The following BEND4 variants were observed in gnomAD, a reference collection of about 807,000 sequenced individuals.
The protein encoded by BEND4 is BEN domain containing 4.
In BEND4, 27 loss-of-function variants were observed where a neutral mutation model predicts 54.7. That is an observed-to-expected ratio of 0.49 (90% CI 0.36 to 0.68). BEND4 has a LOEUF of 0.68. BEND4 is among the 30% of genes least tolerant of loss of function. The pLI, the probability that BEND4 is intolerant of heterozygous loss-of-function variation, is 0.00. For missense variants in BEND4, 702 were observed against 697.2 expected (o/e 1.01, Z -0.08); for synonymous variants, 327 against 299.5 (o/e 1.09, Z -0.95).
intron 3 of BEND4, among the ~76,000 whole-genome samples, chr4:42,131,418 G>A (rs1720504529): frequency 6.6e-6 from 1 of 152,160 alleles, no homozygotes; most frequent in African/African-American, 2.4e-5. Context: ...GGGTAGTTAA[G>A]ACCTTTTAAA....
chr4:42,151,645 G>C lies in BEND4; in HGVS notation c.487+12C>G. ...CCGTGGCGGGAAGGAAAGTTGTGCG[G>C]AGAGTTGGTACCTGCGCTGAGCTCC... On this transcript the variant is annotated intron_variant, in intron 2 of 5. Coordinates refer to ENST00000502486, the MANE Select transcript of BEND4 (RefSeq NM_207406.4). 1 of 1,452,058 alleles carries C rather than the reference G, an allele frequency of 6.9e-7. No individual in the cohort carries two copies. The highest frequency in any genetic ancestry group is 9.0e-7 in the Non-Finnish European group (1 of 1,109,244). The allele number at this position is 1,452,058 out of a possible 1,614,324, so 89.9% of individuals were successfully genotyped here. A position where few individuals can be genotyped will look rare whatever the true frequency, so the allele number is the denominator to read the frequency against.
At chr4:42,126,597 G>A (rs1212574126) in intron 3 of BEND4, among the ~76,000 whole-genome samples, 2 of 152,192 alleles carry the variant, frequency 1.3e-5, no homozygotes, top group African/African-American at 4.8e-5. Context: ...CAATAAAAGT[G>A]AATAGATACC....
chr4:42,117,627 G>A lies in BEND4; in HGVS notation c.1496C>T (p.Ala499Val), dbSNP rs759939750. 9.3e-6 allele frequency: 15 copies of A among 1,612,202 alleles called. No individual in the cohort carries two copies. Among genetic ancestry groups the A allele is most frequent in the Non-Finnish European group, 1.2e-5 (14 of 1,179,154 alleles). ...ACCGTTGTGCAGGAAAGTCCCCACC[G>A]CCCGCCCCTGTCGGGCGTGACCGAC... ...DAVGHARQGR[A>V]VGTFLHNGGS... Residue 499 changes from alanine (A) to valine (V), a missense_variant, in exon 6 of 6, where the codon GCG becomes GTG. Transcript: ENST00000502486.
chr4:42,140,284 C>T (rs1720838102), intron 3 of BEND4, among the ~76,000 whole-genome samples: 1 of 152,056 alleles, frequency 6.6e-6, no homozygotes, highest in Non-Finnish European at 1.5e-5. Flanking sequence ...TAAGGTGTCC[C>T]TAGGTCATGA....
At chr4:42,126,556 G>A (rs1468487693) in intron 3 of BEND4, among the ~76,000 whole-genome samples, 1 of 152,098 alleles carries the variant, frequency 6.6e-6, no homozygotes, top group Non-Finnish European at 1.5e-5. Flanking sequence ...TATTTTTTGA[G>A]GCTTAGTCTT....
rs1156561364 is a variant in BEND4, at chr4:42,121,313, C to T, written c.1147-1019G>A. Among the ~76,000 whole-genome samples, 3 of 152,130 alleles carry T rather than the reference C, an allele frequency of 2.0e-5. No individual in the cohort carries two copies. In the South Asian group the frequency reaches 6.2e-4, roughly 31 times the overall value. ...AGGAACCAACAAGAGGGAGGCAGCC[C>T]GATGCGGCTAGGAAACCGGCACGGA... On this transcript the variant is annotated intron_variant, in intron 4 of 5. Coordinates refer to ENST00000502486, the MANE Select transcript of BEND4 (RefSeq NM_207406.4).
intron 3 of BEND4, among the ~76,000 whole-genome samples, chr4:42,133,864 C>G (rs1341526645): frequency 6.6e-6 from 1 of 152,130 alleles, no homozygotes; most frequent in East Asian, 1.9e-4. Flanking sequence ...AAAAAACAAA[C>G]AAACAAACAA....
rs1719569361 is a variant in BEND4, at chr4:42,111,513, C to T, written c.*6005G>A. On this transcript the variant is annotated 3_prime_UTR_variant, in exon 6 of 6. Transcript: ENST00000502486. ...CTTCATGACCCACCTCTAGCATGCC[C>T]TGTTCCCAAGAAGTGCAAGCCAGGA... 6.6e-6 allele frequency: 1 copy of T among 152,228 alleles called. No homozygotes were observed. Among genetic ancestry groups the T allele is most frequent in the Admixed American group, 6.5e-5 (1 of 15,286 alleles). The allele number at this position is 152,228 out of a possible 1,614,324, so 9.4% of individuals were successfully genotyped here.
intron 2 of BEND4, among the ~76,000 whole-genome samples, chr4:42,144,741 G>A (rs1038662076): frequency 3.9e-5 from 6 of 152,160 alleles, no homozygotes; most frequent in African/African-American, 9.7e-5. Context: ...AAAATGGCAC[G>A]AGGCATGGGT....
In BEND4 at chr4:42,131,356, C is replaced by T. The variant is rs73812739; in HGVS notation, c.1055-5682G>A. Among the ~76,000 whole-genome samples the T allele has an allele frequency of 8.2e-3, 1,249 of 152,076 alleles. 17 individuals carry two copies. Among genetic ancestry groups the T allele is most frequent in the African/African-American group, 0.029 (1,194 of 41,468 alleles). ...AAAAGAGATAGGAAAGAATATAAGC[C>T]AAAGTGTTAACGATAATAGTTAACA... On this transcript the variant is annotated intron_variant, in intron 3 of 5. Coordinates refer to ENST00000502486, the MANE Select transcript of BEND4 (RefSeq NM_207406.4).
chr4:42,134,067 A>G (rs1422435602), intron 3 of BEND4, among the ~76,000 whole-genome samples: 2 of 152,214 alleles, frequency 1.3e-5, no homozygotes, highest in Non-Finnish European at 2.9e-5. Flanking sequence ...GCAGCTGGTA[A>G]ATAAGACTAC....
chr4:42,120,125 C>G lies in BEND4; in HGVS notation c.1316G>C (p.Arg439Thr). 1 of 1,613,980 alleles carries G rather than the reference C, an allele frequency of 6.2e-7. No homozygotes were observed. Among genetic ancestry groups the G allele is most frequent in the Non-Finnish European group, 8.5e-7 (1 of 1,179,890 alleles). The change falls in exon 5 of 6, where the codon AGG becomes ACG. Residue 439 changes from arginine (R) to threonine (T), a missense_variant. By Grantham distance (71) the Arg-to-Thr change is moderately conservative. Coordinates refer to ENST00000502486, the MANE Select transcript of BEND4 (RefSeq NM_207406.4). Reference protein sequence around the residue: ...KYSCGLGKRKRSVQSGETGPE... With the variant: ...KYSCGLGKRKTSVQSGETGPE... ...ACCTGTCTCTCCTGACTGCACTGACCTTTTCCTTTTCCCAAGGCCGCATGA... is the reference window on the plus strand; with the variant it reads ...ACCTGTCTCTCCTGACTGCACTGACGTTTTCCTTTTCCCAAGGCCGCATGA...
chr4:42,138,409 A>G (rs1482279667), intron 3 of BEND4, among the ~76,000 whole-genome samples: 3 of 152,214 alleles, frequency 2.0e-5, no homozygotes, highest in Non-Finnish European at 4.4e-5. Flanking sequence ...ACAAAATAGT[A>G]GCTACAAGGG....
At chr4:42,122,046 C>G (rs1720087119) in intron 4 of BEND4, among the ~76,000 whole-genome samples, 1 of 152,116 alleles carries the variant, frequency 6.6e-6, no homozygotes, top group East Asian at 1.9e-4. Flanking sequence ...GGGGTGAAAT[C>G]GGGGGGCTGG....
chr4:42,130,277 G>A (rs921118731), intron 3 of BEND4, among the ~76,000 whole-genome samples: 16 of 151,964 alleles, frequency 1.1e-4, no homozygotes, highest in African/African-American at 2.2e-4. Flanking sequence ...TCAGGAGATC[G>A]AGACCATCCC....
intron 2 of BEND4, among the ~76,000 whole-genome samples, chr4:42,149,265 C>G (rs1449474373): frequency 4.8e-5 from 6 of 123,888 alleles, no homozygotes; most frequent in Admixed American, 4.5e-4. Flanking sequence ...CAAAGTGGAA[C>G]GACTAGTTTC....
intron 3 of BEND4, 115 bp downstream of exon 3, chr4:42,143,313 A>T: frequency 1.0e-6 from 1 of 964,690 alleles, no homozygotes. Flanking sequence ...AAAACAAAAA[A>T]AGCCCACACA....
chr4:42,143,366 C>T lies in BEND4; in HGVS notation c.1054+62G>A. ...ATACATGAGTACAGAAATACACAGA[C>T]AGATGAGACAAGTGAAAGAAAGAAG... On this transcript the variant is annotated intron_variant, in intron 3 of 5. Transcript: ENST00000502486. 4 of 1,344,956 alleles carry T rather than the reference C, an allele frequency of 3.0e-6. No homozygotes were observed. In the Middle Eastern group the frequency reaches 6.3e-4, roughly 213 times the overall value. The allele number at this position is 1,344,956 out of a possible 1,614,324, so 83.3% of individuals were successfully genotyped here.
chr4:42,115,858 A>T lies in BEND4; in HGVS notation c.*1660T>A, dbSNP rs943535517. The T allele has an allele frequency of 1.3e-5, 2 of 150,664 alleles. No individual in the cohort carries two copies. The highest frequency in any genetic ancestry group is 4.9e-5 in the African/African-American group (2 of 40,410). 9.3% of individuals were successfully genotyped at this position (150,664 alleles called of 1,614,324 possible). A position where few individuals can be genotyped will look rare whatever the true frequency, so the allele number is the denominator to read the frequency against. ...TTGGTTCTCCCTATTCCATTGAATG[A>T]TATGACAAATTTTAGTTAATTTTCT... On this transcript the variant is annotated 3_prime_UTR_variant, in exon 6 of 6. Coordinates refer to ENST00000502486, the MANE Select transcript of BEND4 (RefSeq NM_207406.4).
Sources: allele counts gnomAD v4.1 joint callset (sites outside exome capture counted in the v4.1 genomes callset), GRCh38; gene constraint gnomAD v4.1.1; transcripts MANE v1.5; gene names NCBI Gene and HGNC (gene_info 2026-07-23, HGNC 2026-07-21).